DCHS2: variants seen among roughly 807,000 people sequenced by gnomAD.
The protein encoded by DCHS2 is protocadherin-23.
DCHS2 carries 142 observed loss-of-function variants against 182.4 expected under a neutral mutation model. The observed-to-expected ratio is 0.78, with a 90% CI of 0.68 to 0.89. The LOEUF (loss-of-function observed/expected upper bound fraction) is 0.89, where lower values mean the gene tolerates loss of function less well. Ranked by LOEUF, DCHS2 falls within the 40% of genes least tolerant of loss-of-function variation. The pLI, the probability that DCHS2 is intolerant of heterozygous loss-of-function variation, is 0.00. For missense variants in DCHS2, 4,319 were observed against 4,198.6 expected (o/e 1.03, Z -0.79); for synonymous variants, 1,740 against 1,663.3 (o/e 1.05, Z -1.12).
At chr4:154,384,513 A>G (rs777962137) in intron 1 of DCHS2, 9 of 1,554,728 alleles carry the variant, frequency 5.8e-6, no homozygotes, top group Middle Eastern at 1.7e-4. Flanking sequence ...ACCTCTGTCA[A>G]TGTTCTAATC....
intron 1 of DCHS2, among the ~76,000 whole-genome samples, chr4:154,418,854 G>A (rs1732978611): frequency 6.6e-6 from 1 of 152,202 alleles, no homozygotes; most frequent in Non-Finnish European, 1.5e-5. Flanking sequence ...GTTATGAGAA[G>A]ACACCATTCC....
chr4:154,391,423 C>T (rs1319766293), intron 1 of DCHS2: 22 of 1,331,290 alleles, frequency 1.7e-5, no homozygotes, highest in Non-Finnish European at 2.0e-5. Context: ...ATAAAGAAAG[C>T]GTTCAAAACT....
rs748486259 is a variant in DCHS2, at chr4:154,298,516, A to G, written c.5798T>C (p.Phe1933Ser). ...AGAGGACTGGTAATAAAGTGTGGGA[A>G]AAGAAGGACTGTGGTCATTGGCATC... ...VLDANDHSPS[F>S]PTLYYQSSVR... The change falls in exon 13 of 20, where the codon TTT becomes TCT. Residue 1933 changes from phenylalanine to serine, a missense_variant. By Grantham distance (155) the Phe-to-Ser change is radical. Coordinates refer to ENST00000357232, the MANE Select transcript of DCHS2 (RefSeq NM_001358235.2). The G allele has an allele frequency of 6.2e-7, 1 of 1,614,158 alleles. No individual in the cohort carries two copies. The highest frequency in any genetic ancestry group is 1.1e-5 in the South Asian group (1 of 91,076).
chr4:154,490,407 G>A lies in DCHS2; in HGVS notation c.949C>T (p.Arg317Cys). 1.3e-6 allele frequency: 2 copies of A among 1,533,698 alleles called. No homozygotes were observed. Among genetic ancestry groups the A allele is most frequent in the Non-Finnish European group, 1.7e-6 (2 of 1,144,892 alleles). The change falls in exon 1 of 20, where the codon CGC becomes TGC. Residue 317 changes from arginine to cysteine, a missense_variant. By Grantham distance (180) the Arg-to-Cys change is radical. Transcript: ENST00000357232. Reference protein sequence around the residue: ...EDAQPGAEVCRVRATDRDLGP... With the variant: ...EDAQPGAEVCCVRATDRDLGP... ...AGGTCGCGGTCGGTGGCGCGCACGC[G>A]ACAGACCTCGGCGCCCGGCTGGGCG...
At chr4:154,431,540 T>C (rs1241529618) in intron 1 of DCHS2, among the ~76,000 whole-genome samples, 2 of 152,300 alleles carry the variant, frequency 1.3e-5, no homozygotes, top group East Asian at 3.9e-4. Context: ...ACTCCTGAGT[T>C]TTTATGTTAA....
At chr4:154,253,243 G>A (rs1368871759) in intron 16 of DCHS2, among the ~76,000 whole-genome samples, 2 of 151,990 alleles carry the variant, frequency 1.3e-5, no homozygotes, top group Non-Finnish European at 2.9e-5. Flanking sequence ...GTGGCAGTGT[G>A]TAGGGGGTTC....
Position 154,304,859 on chromosome 4 carries a change from TC to T in DCHS2, c.5414del (p.Gly1805AspfsTer47). ...FTLRVLVRDG[G>X]FPSLSSTTTI... ...TTGTGGTGCTGGACAATGAAGGGAA[TC>T]CCCCATCTCGTACTAGTACTGACAC... On this transcript the variant is annotated frameshift_variant, in exon 12 of 20. Coordinates refer to ENST00000357232, the MANE Select transcript of DCHS2 (RefSeq NM_001358235.2). LOFTEE classifies it high-confidence loss of function. The T allele has an allele frequency of 6.2e-7, 1 of 1,612,080 alleles. No individual in the cohort carries two copies. Among genetic ancestry groups the T allele is most frequent in the Non-Finnish European group, 8.5e-7 (1 of 1,179,106 alleles).
chr4:154,369,324 A>T (rs1730533588), intron 2 of DCHS2, among the ~76,000 whole-genome samples: 1 of 152,210 alleles, frequency 6.6e-6, no homozygotes. Flanking sequence ...TTTTGCACAT[A>T]CATTTCTAGA....
At chr4:154,363,399 A>G (rs1386631879) in intron 3 of DCHS2, among the ~76,000 whole-genome samples, 1 of 152,206 alleles carries the variant, frequency 6.6e-6, no homozygotes, top group African/African-American at 2.4e-5. Context: ...AGGACAGCCT[A>G]TCATTTGTGA....
chr4:154,275,829 A>G (rs1733830824), intron 13 of DCHS2, among the ~76,000 whole-genome samples: 1 of 152,208 alleles, frequency 6.6e-6, no homozygotes, highest in Non-Finnish European at 1.5e-5. Context: ...AAGAATAAAG[A>G]TGAGTACAGA....
At position 154,298,640 on chromosome 4, in the gene DCHS2, C is replaced by A. The variant is rs749453667; in HGVS notation, c.5674G>T (p.Asp1892Tyr). 2.9e-5 allele frequency: 46 copies of A among 1,613,718 alleles called. No individual in the cohort carries two copies. Among genetic ancestry groups the A allele is most frequent in the Non-Finnish European group, 3.8e-5 (45 of 1,179,812 alleles). ...SGELSTTRAL[D>Y]REQISNFTLV... ...GTAAAATTGCTGATTTGCTCCCGGT[C>A]CAAAGCACGAGTGGTTGAGAGTTCT... is the stretch of plus-strand genomic sequence containing the variant. Residue 1892 changes from aspartate to tyrosine, a missense_variant, in exon 13 of 20, where the codon GAC becomes TAC. Asp to Tyr is a radical substitution (Grantham distance 160). Transcript: ENST00000357232.
intron 15 of DCHS2, 43 bp downstream of exon 15, chr4:154,259,502 A>ACC (rs111963953): frequency 9.7e-5 from 43 of 444,478 alleles, no homozygotes; most frequent in Non-Finnish European, 1.1e-4. Context: ...AGACACACCC[A>ACC]CACACACACA....
At chr4:154,341,770 T>G (rs1241037229) in intron 3 of DCHS2, among the ~76,000 whole-genome samples, 1 of 152,182 alleles carries the variant, frequency 6.6e-6, no homozygotes, top group East Asian at 1.9e-4. Flanking sequence ...CTGTTTTCTG[T>G]GCGTATCCAT....
At chr4:154,369,417 C>T (rs1309797584) in intron 2 of DCHS2, among the ~76,000 whole-genome samples, 1 of 152,156 alleles carries the variant, frequency 6.6e-6, no homozygotes, top group Non-Finnish European at 1.5e-5. Flanking sequence ...ACCAGTTTCC[C>T]ACAGAACACA....
intron 2 of DCHS2, among the ~76,000 whole-genome samples, chr4:154,367,788 G>A (rs1730454343): frequency 6.6e-6 from 1 of 152,124 alleles, no homozygotes; most frequent in Non-Finnish European, 1.5e-5. Flanking sequence ...CAAGGAGGAA[G>A]AAGATTTGGC....
In DCHS2 at chr4:154,490,701, G is replaced by C. The variant is rs551052668; in HGVS notation, c.655C>G (p.Pro219Ala). ...PSDLPKDPAG[P>A]FFQLRYRTPG... is the part of the protein sequence containing the mutation. The stretch of plus-strand genomic sequence containing the variant: ...GTCCGGTAGCGCAACTGGAAGAACG[G>C]GCCTGCGGGGTCCTTGGGCAGGTCG... Residue 219 changes from proline to alanine, a missense_variant, in exon 1 of 20, where the codon CCG becomes GCG. Physicochemically the swap from Pro to Ala is conservative, Grantham distance 27 (BLOSUM62 -1). Coordinates refer to ENST00000357232, the MANE Select transcript of DCHS2 (RefSeq NM_001358235.2). The C allele has an allele frequency of 6.4e-7, 1 of 1,551,592 alleles. No individual in the cohort carries two copies.
At chr4:154,417,196 TGTGTGTGTGAGA>T (rs1338505270) in intron 1 of DCHS2, among the ~76,000 whole-genome samples, 64 of 67,008 alleles carry the variant, frequency 9.6e-4, no homozygotes, top group African/African-American at 2.8e-3. Flanking sequence ...TGTGTGTGTG[TGTGTGTGTGAGA>T]GAGAGAGAGA....
At position 154,272,625 on chromosome 4, in the gene DCHS2, C is replaced by A. The variant is rs1733652251; in HGVS notation, c.6464-2612G>T. On this transcript the variant is annotated intron_variant, in intron 13 of 19. Transcript: ENST00000357232. Reference sequence around the variant, plus strand: ...ACTGCCATGTAAGGCATGCCTCCACCCCTTCCACCATGTTTATAAGTTTCC... The same window carrying A: ...ACTGCCATGTAAGGCATGCCTCCACACCTTCCACCATGTTTATAAGTTTCC... Among the ~76,000 whole-genome samples, 7 of 152,076 alleles carry A rather than the reference C, an allele frequency of 4.6e-5. 1 individual carries two copies. The South Asian group carries it at 1.5e-3, about 32-fold the overall frequency.
intron 16 of DCHS2, among the ~76,000 whole-genome samples, chr4:154,254,517 A>G (rs1490468549): frequency 6.6e-6 from 1 of 152,160 alleles, no homozygotes; most frequent in Non-Finnish European, 1.5e-5. Flanking sequence ...AGCAGTCCCC[A>G]CTCATGGATA....
Sources: allele counts gnomAD v4.1 joint callset (sites outside exome capture counted in the v4.1 genomes callset), GRCh38; gene constraint gnomAD v4.1.1; transcripts MANE v1.5; gene names NCBI Gene and HGNC (gene_info 2026-07-23, HGNC 2026-07-21).